PCDH15: variants seen among roughly 807,000 people sequenced by gnomAD.
PCDH15 encodes protocadherin-15.
A neutral mutation model predicts 178.5 loss-of-function variants in PCDH15; 129 were observed. The observed-to-expected ratio is 0.72, with a 90% CI of 0.63 to 0.84. The LOEUF (loss-of-function observed/expected upper bound fraction) is 0.84. Ranked by LOEUF, PCDH15 falls within the 40% of genes least tolerant of loss-of-function variation. PCDH15 has a pLI of 0.00. For synonymous variants in PCDH15, 800 were observed against 732.0 expected (o/e 1.09, Z -1.50); for missense variants, 2,230 against 2,099.9 (o/e 1.06, Z -1.21).
chr10:55,340,351 T>A (rs1399401565), intron 2 of PCDH15, among the ~76,000 whole-genome samples: 1 of 151,916 alleles, frequency 6.6e-6, no homozygotes, highest in African/African-American at 2.4e-5. Flanking sequence ...GGTTTATACC[T>A]GTAGCACTGG....
chr10:54,232,011 G>A (rs2054126540), intron 9 of PCDH15, among the ~76,000 whole-genome samples: 1 of 152,184 alleles, frequency 6.6e-6, no homozygotes, highest in Non-Finnish European at 1.5e-5. Flanking sequence ...GGGAACTGTT[G>A]AGAAAGGATG....
intron 2 of PCDH15, among the ~76,000 whole-genome samples, chr10:55,589,634 C>T (rs541181967): frequency 1.3e-5 from 2 of 152,114 alleles, no homozygotes; most frequent in East Asian, 1.9e-4. Context: ...CAAACAACCC[C>T]ATCAAAAAAT....
intron 15 of PCDH15, among the ~76,000 whole-genome samples, chr10:54,094,145 C>T (rs2094653356): frequency 6.6e-6 from 1 of 152,158 alleles, no homozygotes; most frequent in African/African-American, 2.4e-5. Context: ...ACTACTACTA[C>T]TTAATCACTC....
chr10:55,532,493 A>G (rs1021496168), intron 2 of PCDH15, among the ~76,000 whole-genome samples: 3 of 152,074 alleles, frequency 2.0e-5, no homozygotes, highest in Non-Finnish European at 4.4e-5. Flanking sequence ...TCAAAAGTGA[A>G]TAAAACAAAA....
intron 3 of PCDH15, among the ~76,000 whole-genome samples, chr10:54,830,694 C>T (rs942378526): frequency 6.6e-6 from 1 of 151,354 alleles, no homozygotes; most frequent in African/African-American, 2.4e-5. Context: ...TGTAACAAAC[C>T]TGCACATTAT....
At chr10:54,340,356 T>C (rs538241581) in intron 6 of PCDH15, among the ~76,000 whole-genome samples, 2 of 152,330 alleles carry the variant, frequency 1.3e-5, no homozygotes, top group Non-Finnish European at 2.9e-5. Flanking sequence ...GTATATTGGT[T>C]CTTTGAGTTT....
chr10:54,317,556 C>T, intron 7 of PCDH15, 115 bp from the exon 8 acceptor site: 1 of 1,191,238 alleles, frequency 8.4e-7, no homozygotes. Context: ...GGGTGGATCA[C>T]TTGAGGTCAG....
At chr10:54,417,683 C>T (rs950606308) in intron 3 of PCDH15, among the ~76,000 whole-genome samples, 11 of 152,156 alleles carry the variant, frequency 7.2e-5, no homozygotes, top group African/African-American at 2.4e-4. Context: ...ATAATATTAT[C>T]ACAAATATTA....
At chr10:54,499,267 G>C (rs1224422960) in intron 3 of PCDH15, among the ~76,000 whole-genome samples, 1 of 152,058 alleles carries the variant, frequency 6.6e-6, no homozygotes, top group Non-Finnish European at 1.5e-5. Flanking sequence ...GATCACTGAG[G>C]TAGAAAACTA....
intron 15 of PCDH15, among the ~76,000 whole-genome samples, chr10:54,104,212 A>G (rs1325800263): frequency 6.6e-6 from 1 of 152,176 alleles, no homozygotes; most frequent in East Asian, 1.9e-4. Flanking sequence ...GGAGGTTTCC[A>G]CGACTAGGAA....
intron 3 of PCDH15, among the ~76,000 whole-genome samples, chr10:54,486,961 C>T (rs2079155540): frequency 6.6e-6 from 1 of 151,972 alleles, no homozygotes; most frequent in Non-Finnish European, 1.5e-5. Context: ...TTAATGAGGT[C>T]TTCAGAGAGC....
chr10:54,941,923 C>T (rs113927086), intron 2 of PCDH15, among the ~76,000 whole-genome samples: 1 of 152,136 alleles, frequency 6.6e-6, no homozygotes, highest in African/African-American at 2.4e-5. Flanking sequence ...CTCTCTTTGA[C>T]TGTCTCTTTC....
chr10:55,295,104 GA>G (rs1325273660), intron 1 of PCDH15, among the ~76,000 whole-genome samples: 2 of 152,108 alleles, frequency 1.3e-5, no homozygotes, highest in Admixed American at 1.3e-4. Context: ...ATAGATATAA[GA>G]AAGTTTTGTG....
At chr10:54,518,284 G>T (rs190550740) in intron 3 of PCDH15, among the ~76,000 whole-genome samples, 139 of 152,052 alleles carry the variant, frequency 9.1e-4, no homozygotes, top group Non-Finnish European at 1.7e-3. Flanking sequence ...CTGGTTTTTT[G>T]AAAAGATCAA....
chr10:54,039,994 G>A (rs2093504924), intron 18 of PCDH15, among the ~76,000 whole-genome samples: 2 of 151,930 alleles, frequency 1.3e-5, no homozygotes, highest in South Asian at 2.1e-4. Flanking sequence ...GGGAAGAAAA[G>A]GACAACATAT....
In PCDH15 at chr10:54,185,471, A is replaced by G. The variant is rs16905671; in HGVS notation, c.1306-203T>C. ...ATGGTGACCTATATCGTGGAATACA[A>G]AATACTGAAATACAAACAGGTATAA... On this transcript the variant is annotated intron_variant, in intron 11 of 37. Transcript: ENST00000644397. Among the ~76,000 whole-genome samples the G allele has an allele frequency of 0.088, 13,363 of 152,158 alleles. 708 individuals are homozygous for G. Among genetic ancestry groups the G allele is most frequent in the African/African-American group, 0.14 (5,609 of 41,526 alleles).
intron 1 of PCDH15, among the ~76,000 whole-genome samples, chr10:55,261,354 A>C (rs1842141247): frequency 6.6e-6 from 1 of 152,210 alleles, no homozygotes; most frequent in African/African-American, 2.4e-5. Context: ...CATGAGGAAA[A>C]AAGGGGCATG....
intron 2 of PCDH15, among the ~76,000 whole-genome samples, chr10:55,460,240 C>A (rs1839644761): frequency 6.6e-6 from 1 of 151,370 alleles, no homozygotes; most frequent in Non-Finnish European, 1.5e-5. Context: ...TTTCATTATT[C>A]TTATATTATT....
Position 54,717,617 on chromosome 10 carries a change from G to A in PCDH15, c.-28-53327C>T, listed in dbSNP as rs1591249798. Among the ~76,000 whole-genome samples, 4 of 133,286 alleles carry A rather than the reference G, an allele frequency of 3.0e-5. No individual in the cohort carries two copies. The East Asian group carries it at 8.3e-4, about 28-fold the overall frequency. 87.4% of individuals were successfully genotyped at this position (133,286 alleles called of 152,430 possible). A position where few individuals can be genotyped will look rare whatever the true frequency, so the allele number is the denominator to read the frequency against. On this transcript the variant is annotated intron_variant, in intron 1 of 37. Transcript: ENST00000644397. ...ATTAAAAAGTCAGGAAACAACAGGT[G>A]CTGGAGAGGATGTGGAGAAATAGGA...
Sources: gnomAD v4.1 joint callset for allele counts (sites outside exome capture counted in the v4.1 genomes callset) on GRCh38, gnomAD v4.1.1 for gene constraint, MANE v1.5 for transcripts, NCBI Gene and HGNC (gene_info 2026-07-23, HGNC 2026-07-21) for gene names.